The following KDM4C variants were observed in gnomAD, a reference collection of about 807,000 sequenced individuals.
The protein encoded by KDM4C is lysine demethylase 4C.
KDM4C carries 81 observed loss-of-function variants against 129.3 expected under a neutral mutation model. The observed-to-expected ratio is 0.63, with a 90% CI of 0.52 to 0.75. The LOEUF (loss-of-function observed/expected upper bound fraction) is 0.75. Among genes scored for constraint, KDM4C ranks in the 30% least tolerant of loss-of-function variants. The probability of loss-of-function intolerance (pLI) is 0.00; values close to 1 mark genes in which losing one functional copy is unlikely to be tolerated. For synonymous variants in KDM4C, 573 were observed against 456.1 expected, an observed-to-expected ratio of 1.26 and a Z score of -3.26; for missense variants, 1,457 against 1,304.0, an observed-to-expected ratio of 1.12 and a Z score of -1.81.
rs185668468 is a variant in KDM4C at position 6,958,664 on chromosome 9, T to A, written c.922-22261T>A. Among the ~76,000 whole-genome samples the A allele has an allele frequency of 3.9e-4, 58 of 149,934 alleles. No homozygotes were observed. The East Asian group carries it at 9.0e-3, about 23-fold the overall frequency. ...AGTAGTTTGGCTATAATGTTAAAAA[T>A]ACATTATGCCTTTCTTTATATGATT... On this transcript the variant is annotated intron_variant, in intron 8 of 21. Transcript: ENST00000381309.
intron 4 of KDM4C, among the ~76,000 whole-genome samples, chr9:6,824,397 G>A (rs1320812372): frequency 6.6e-6 from 1 of 152,140 alleles, no homozygotes; most frequent in Non-Finnish European, 1.5e-5. Flanking sequence ...ACAGCAAGAG[G>A]CTTGGGGAGG....
At chr9:6,938,079 T>A (rs910834991) in intron 8 of KDM4C, among the ~76,000 whole-genome samples, 1 of 152,142 alleles carries the variant, frequency 6.6e-6, no homozygotes, top group Non-Finnish European at 1.5e-5. Flanking sequence ...CTAACATATA[T>A]CACATAAATG....
intron 17 of KDM4C, among the ~76,000 whole-genome samples, chr9:7,051,218 A>T (rs1830109047): frequency 6.6e-6 from 1 of 152,200 alleles, no homozygotes. Context: ...GAATAATAAT[A>T]CGAGGAGCAA....
chr9:7,118,572 A>T (rs1186866068), intron 18 of KDM4C, among the ~76,000 whole-genome samples: 3 of 152,212 alleles, frequency 2.0e-5, no homozygotes, highest in African/African-American at 7.2e-5. Flanking sequence ...GAAAAAATAC[A>T]ATAATAATAT....
chr9:6,931,195 C>G (rs893564023), intron 8 of KDM4C, among the ~76,000 whole-genome samples: 1 of 151,796 alleles, frequency 6.6e-6, no homozygotes, highest in Non-Finnish European at 1.5e-5. Flanking sequence ...GCTGGATACT[C>G]CCCTTGTTTT....
chr9:7,011,165 C>T (rs895643716), intron 12 of KDM4C, among the ~76,000 whole-genome samples: 2 of 152,154 alleles, frequency 1.3e-5, no homozygotes, highest in African/African-American at 4.8e-5. Flanking sequence ...CAGTATATTG[C>T]TTGGTACTTT....
chr9:6,952,434 A>AT (rs1428439710), intron 8 of KDM4C, among the ~76,000 whole-genome samples: 18 of 147,880 alleles, frequency 1.2e-4, no homozygotes, highest in African/African-American at 2.8e-4. Context: ...TATATATAAT[A>AT]ATAATTATTA....
intron 8 of KDM4C, among the ~76,000 whole-genome samples, chr9:6,948,615 T>G (rs7848721): frequency 0.62 from 92,271 of 148,402 alleles, 29,876 homozygotes; most frequent in East Asian, 0.92. Flanking sequence ...GGTTTTCCTA[T>G]GCAGAGGACC....
intron 1 of KDM4C, among the ~76,000 whole-genome samples, chr9:6,778,299 A>G (rs1431201034): frequency 6.6e-6 from 1 of 150,568 alleles, no homozygotes; most frequent in East Asian, 2.0e-4. Context: ...CATGTTGGCC[A>G]GGCTGGTCTT....
At chr9:7,048,028 C>T (rs1281804144) in intron 16 of KDM4C, among the ~76,000 whole-genome samples, 1 of 151,916 alleles carries the variant, frequency 6.6e-6, no homozygotes, top group African/African-American at 2.4e-5. Context: ...TTGTAAGGAA[C>T]TGTAGGGTTT....
intron 17 of KDM4C, among the ~76,000 whole-genome samples, chr9:7,080,140 A>G (rs994253431): frequency 6.6e-6 from 1 of 152,162 alleles, no homozygotes; most frequent in East Asian, 1.9e-4. Flanking sequence ...CTTGGTCCAC[A>G]ACTAGTCCAC....
At chr9:6,752,305 C>T (rs891593318) in intron 1 of KDM4C, among the ~76,000 whole-genome samples, 2 of 116,956 alleles carry the variant, frequency 1.7e-5, no homozygotes, top group African/African-American at 3.5e-5. Context: ...TGCACTCCAG[C>T]CTGGGCGACA....
At chr9:6,817,849 C>A (rs1832411558) in intron 4 of KDM4C, among the ~76,000 whole-genome samples, 1 of 148,492 alleles carries the variant, frequency 6.7e-6, no homozygotes, top group South Asian at 2.1e-4. Flanking sequence ...TCACTGCAAC[C>A]TGTGACTCCT....
intron 5 of KDM4C, among the ~76,000 whole-genome samples, chr9:6,871,095 A>G (rs1332002992): frequency 1.3e-5 from 2 of 152,214 alleles, no homozygotes; most frequent in Non-Finnish European, 2.9e-5. Flanking sequence ...CCCAAAAAAC[A>G]ATAGGGAATT....
chr9:7,123,519 A>C (rs1839723135), intron 18 of KDM4C, among the ~76,000 whole-genome samples: 1 of 152,186 alleles, frequency 6.6e-6, no homozygotes. Context: ...GTCTGTGCCT[A>C]TTCACTTACC....
intron 18 of KDM4C, among the ~76,000 whole-genome samples, chr9:7,109,191 GAT>G (rs1202824968): frequency 8.5e-5 from 13 of 152,298 alleles, no homozygotes; most frequent in African/African-American, 3.1e-4. Flanking sequence ...TGAAACTAAA[GAT>G]ATATTTTTGC....
At chr9:7,011,002 C>G (rs1169594811) in intron 12 of KDM4C, among the ~76,000 whole-genome samples, 1 of 152,022 alleles carries the variant, frequency 6.6e-6, no homozygotes, top group Non-Finnish European at 1.5e-5. Flanking sequence ...TGAGATTGCA[C>G]CATTGTACTC....
At chr9:6,931,902 G>A (rs1188463545) in intron 8 of KDM4C, among the ~76,000 whole-genome samples, 1 of 152,210 alleles carries the variant, frequency 6.6e-6, no homozygotes, top group Non-Finnish European at 1.5e-5. Context: ...GTAATTAATT[G>A]TCTAAAGGTA....
In KDM4C at chr9:6,758,094, A is replaced by C; in HGVS notation, c.-127A>C. The C allele has an allele frequency of 1.0e-6, 1 of 985,426 alleles. No homozygotes were observed. Among genetic ancestry groups the C allele is most frequent in the Non-Finnish European group, 1.2e-6 (1 of 830,044 alleles). The allele number at this position is 985,426 out of a possible 1,614,324, so 61.0% of individuals were successfully genotyped here. A position where few individuals can be genotyped will look rare whatever the true frequency, so the allele number is the denominator to read the frequency against. On this transcript the variant is annotated 5_prime_UTR_variant, in exon 1 of 22. Coordinates refer to ENST00000381309, the MANE Select transcript of KDM4C (RefSeq NM_015061.6). This position sits in a 1 kb window ranked among gnomAD's most constrained non-coding sequence, Gnocchi z 4.6. ...TGCGCGTGCGCAGCGAACAGCTGTC[A>C]CCTAGTGCGGAACAAGTCTCCCAAA...
Sources: allele counts gnomAD v4.1 joint callset (sites outside exome capture counted in the v4.1 genomes callset), GRCh38; gene constraint gnomAD v4.1.1; non-coding constraint Gnocchi (gnomAD v3.1); transcripts MANE v1.5; gene names NCBI Gene and HGNC (gene_info 2026-07-23, HGNC 2026-07-21).